The following ACVR1C variants were observed in gnomAD, a reference collection of about 807,000 sequenced individuals.
The protein encoded by ACVR1C is activin receptor type-1C.
A neutral mutation model predicts 57.9 loss-of-function variants in ACVR1C; 23 were observed. That is an observed-to-expected ratio of 0.40 (90% CI 0.29 to 0.56). The LOEUF (loss-of-function observed/expected upper bound fraction) is 0.56. Among genes scored for constraint, ACVR1C ranks in the 20% least tolerant of loss-of-function variants. The pLI is 0.50. For missense variants in ACVR1C, 480 were observed against 607.9 expected (o/e 0.79, Z 2.21); for synonymous variants, 214 against 215.3 (o/e 0.99, Z 0.05).
At chr2:157,627,149 T>C (rs563605949) in intron 1 of ACVR1C, among the ~76,000 whole-genome samples, 3 of 151,978 alleles carry the variant, frequency 2.0e-5, no homozygotes, top group Non-Finnish European at 2.9e-5. Flanking sequence ...ATAAAAAGAG[T>C]TGTACAGACA....
chr2:157,587,212 G>C lies in ACVR1C; in HGVS notation c.279C>G (p.Asn93Lys). Residue 93 changes from asparagine to lysine, a missense_variant, in exon 2 of 9, where the codon AAC becomes AAG. By Grantham distance (94) the Asn-to-Lys change is moderately conservative. Transcript: ENST00000243349. ...CTGTTGGAAGGTGCAGTGTTATGTT[G>C]TTGCAAAAATCTGTGAAGCAGCATT... ...KTECCFTDFCNNITLHLPTAS... is the reference protein window; with the variant it reads ...KTECCFTDFCKNITLHLPTAS... 1 of 1,613,334 alleles carries C rather than the reference G, an allele frequency of 6.2e-7. No homozygotes were observed. The highest frequency in any genetic ancestry group is 2.2e-5 in the East Asian group (1 of 44,862).
At chr2:157,573,633 C>A (rs1688575701) in intron 2 of ACVR1C, among the ~76,000 whole-genome samples, 1 of 151,770 alleles carries the variant, frequency 6.6e-6, no homozygotes, top group Admixed American at 6.6e-5. Context: ...TCAAAATTAA[C>A]CCTAAAAAGT....
intron 1 of ACVR1C, among the ~76,000 whole-genome samples, chr2:157,608,186 C>T (rs1682449828): frequency 6.6e-6 from 1 of 151,532 alleles, no homozygotes. Flanking sequence ...GAGAGTTTTT[C>T]GTCAAAATGA....
intron 1 of ACVR1C, among the ~76,000 whole-genome samples, chr2:157,623,264 C>T (rs1020869013): frequency 6.6e-6 from 1 of 152,010 alleles, no homozygotes; most frequent in Non-Finnish European, 1.5e-5. Flanking sequence ...TGGATATAAC[C>T]CAAAAGAAAG....
chr2:157,596,868 C>A (rs1353613825), intron 1 of ACVR1C, among the ~76,000 whole-genome samples: 2 of 151,990 alleles, frequency 1.3e-5, no homozygotes, highest in African/African-American at 4.8e-5. Flanking sequence ...AAAAGACATG[C>A]ACTAAAGGAA....
chr2:157,539,225 A>G (rs1041185165), intron 7 of ACVR1C, among the ~76,000 whole-genome samples: 8 of 152,070 alleles, frequency 5.3e-5, no homozygotes, highest in African/African-American at 9.7e-5. Context: ...CTTTTAGGCA[A>G]TCTTTTTAAC....
At chr2:157,606,107 T>C (rs909429577) in intron 1 of ACVR1C, among the ~76,000 whole-genome samples, 1 of 151,738 alleles carries the variant, frequency 6.6e-6, no homozygotes, top group African/African-American at 2.4e-5. Context: ...TCCAGTTCCA[T>C]CATGTTGCTG....
chr2:157,581,716 G>T (rs964424888), intron 2 of ACVR1C, among the ~76,000 whole-genome samples: 1 of 152,202 alleles, frequency 6.6e-6, no homozygotes, highest in Non-Finnish European at 1.5e-5. Context: ...TTGGCTTTCA[G>T]GTGAAACTGT....
In ACVR1C at chr2:157,529,996, G is replaced by A. The variant is rs1025910378; in HGVS notation, c.*3922C>T. 2.0e-5 allele frequency: 3 copies of A among 152,008 alleles called. No individual in the cohort carries two copies. Among genetic ancestry groups the A allele is most frequent in the Admixed American group, 6.6e-5 (1 of 15,230 alleles). 9.4% of individuals were successfully genotyped at this position (152,008 alleles called of 1,614,324 possible). ...AAAATAGCAGAAAAACTCCATGTAGGTATCAGCACACAGAGCTAGAACAAA... is the reference window on the plus strand; with the variant it reads ...AAAATAGCAGAAAAACTCCATGTAGATATCAGCACACAGAGCTAGAACAAA... On this transcript the variant is annotated 3_prime_UTR_variant, in exon 9 of 9. Transcript: ENST00000243349.
chr2:157,588,848 C>CATATATATATATAT (rs71402394), intron 1 of ACVR1C, among the ~76,000 whole-genome samples: 1,960 of 88,790 alleles, frequency 0.022, 51 homozygotes, highest in Non-Finnish European at 0.025. Context: ...ACAAACACAC[C>CATATATATATATAT]ATATATATAT....
At chr2:157,619,563 G>T (rs573078764) in intron 1 of ACVR1C, among the ~76,000 whole-genome samples, 1 of 152,100 alleles carries the variant, frequency 6.6e-6, no homozygotes, top group South Asian at 2.1e-4. Context: ...GTCCGTGGCT[G>T]CTTTCATACT....
chr2:157,607,155 C>A (rs1682419985), intron 1 of ACVR1C, among the ~76,000 whole-genome samples: 1 of 151,898 alleles, frequency 6.6e-6, no homozygotes. Context: ...GTTCTCTATT[C>A]TGTTTCATTG....
chr2:157,587,979 G>T (rs1688967889), intron 1 of ACVR1C, among the ~76,000 whole-genome samples: 1 of 151,928 alleles, frequency 6.6e-6, no homozygotes, highest in African/African-American at 2.4e-5. Flanking sequence ...TAACACAATT[G>T]TTATTGTCGT....
chr2:157,543,841 T>C (rs990652715), intron 5 of ACVR1C, among the ~76,000 whole-genome samples: 1 of 152,168 alleles, frequency 6.6e-6, no homozygotes, highest in African/African-American at 2.4e-5. Context: ...TTATTTGTAT[T>C]CTCTGGATAT....
Position 157,591,699 on chromosome 2 carries a change from C to A in ACVR1C, c.74-4282G>T, listed in dbSNP as rs78995435. On this transcript the variant is annotated intron_variant, in intron 1 of 8. Coordinates refer to ENST00000243349, the MANE Select transcript of ACVR1C (RefSeq NM_145259.3). ...TCCAAGAAAAGCTTAGCAACTGACA[C>A]AACTAACTAAGGAATATGAATCCAC... 6.0e-3 allele frequency among the ~76,000 whole-genome samples: 911 copies of A among 152,158 alleles called. 10 individuals carry two copies. Among genetic ancestry groups the A allele is most frequent in the African/African-American group, 0.02 (841 of 41,548 alleles).
chr2:157,577,187 G>C (rs186778196), intron 2 of ACVR1C, among the ~76,000 whole-genome samples: 129 of 152,082 alleles, frequency 8.5e-4, no homozygotes, highest in African/African-American at 3.0e-3. Flanking sequence ...TATTTTTACT[G>C]CCCATTTTAT....
intron 3 of ACVR1C, among the ~76,000 whole-genome samples, chr2:157,554,076 A>C (rs916081646): frequency 6.6e-6 from 1 of 150,950 alleles, no homozygotes; most frequent in Non-Finnish European, 1.5e-5. Flanking sequence ...CTAGCTACTT[A>C]GGAGGCTCAG....
At chr2:157,554,260 A>AAAGAAAGAAAGG (rs1393114048) in intron 3 of ACVR1C, among the ~76,000 whole-genome samples, 2 of 131,394 alleles carry the variant, frequency 1.5e-5, no homozygotes, top group South Asian at 4.6e-4. Flanking sequence ...AGAAAGAAAG[A>AAAGAAAGAAAGG]AAGAAAGAAA....
At chr2:157,612,242 G>C (rs1377429651) in intron 1 of ACVR1C, among the ~76,000 whole-genome samples, 1 of 152,124 alleles carries the variant, frequency 6.6e-6, no homozygotes, top group African/African-American at 2.4e-5. Flanking sequence ...GGTTAGTGGG[G>C]AGGGACCCTG....
Sources: gnomAD v4.1 joint callset for allele counts (sites outside exome capture counted in the v4.1 genomes callset) on GRCh38, gnomAD v4.1.1 for gene constraint, MANE v1.5 for transcripts, NCBI Gene and HGNC (gene_info 2026-07-23, HGNC 2026-07-21) for gene names.